The following MAML1 variants were observed in gnomAD, a reference collection of about 807,000 sequenced individuals.
MAML1 encodes mastermind like transcriptional coactivator 1.
A neutral mutation model predicts 77.1 loss-of-function variants in MAML1; 14 were observed. The ratio of observed to expected loss-of-function variants is 0.18; its 90% confidence interval spans 0.12 to 0.28. The LOEUF is 0.28. Ranked by LOEUF, MAML1 falls within the 10% of genes least tolerant of loss-of-function variation. The pLI, the probability that MAML1 is intolerant of heterozygous loss-of-function variation, is 1.00. For missense variants in MAML1, 1,217 were observed against 1,327.8 expected, an observed-to-expected ratio of 0.92 and a Z score of 1.30; for synonymous variants, 516 against 551.9, an observed-to-expected ratio of 0.93 and a Z score of 0.91.
intron 1 of MAML1, among the ~76,000 whole-genome samples, chr5:179,743,426 G>A (rs1276683112): frequency 1.4e-5 from 2 of 146,626 alleles, no homozygotes; most frequent in Non-Finnish European, 3.0e-5. Context: ...GAGGGCAGTG[G>A]TGTGATCTCG....
chr5:179,763,976 A>G (rs186254879), intron 1 of MAML1, among the ~76,000 whole-genome samples: 238 of 152,314 alleles, frequency 1.6e-3, no homozygotes, highest in South Asian at 5.8e-3. Flanking sequence ...TGTGTTTGGA[A>G]GCTGAGCATA....
intron 1 of MAML1, among the ~76,000 whole-genome samples, chr5:179,740,735 C>T (rs1035839230): frequency 5.9e-5 from 9 of 152,192 alleles, no homozygotes; most frequent in Admixed American, 4.6e-4. Flanking sequence ...GGGTTTTGGA[C>T]AGTTCCTGAG....
At chr5:179,758,438 G>A (rs1413603439) in intron 1 of MAML1, among the ~76,000 whole-genome samples, 1 of 148,764 alleles carries the variant, frequency 6.7e-6, no homozygotes, top group Non-Finnish European at 1.5e-5. Flanking sequence ...TGTCCCCTAG[G>A]CTGGAGTGCA....
chr5:179,772,929 C>T (rs554101661), intron 4 of MAML1, among the ~76,000 whole-genome samples: 9 of 152,206 alleles, frequency 5.9e-5, no homozygotes, highest in Non-Finnish European at 1.2e-4. Context: ...CTTGCTCTTT[C>T]GCCTAGGCTG....
intron 1 of MAML1, among the ~76,000 whole-genome samples, chr5:179,744,924 CTG>C: frequency 6.7e-6 from 1 of 149,786 alleles, no homozygotes; most frequent in East Asian, 2.0e-4. Flanking sequence ...TTTCTTGAGA[CTG>C]AGCCTTGCTC....
intron 1 of MAML1, among the ~76,000 whole-genome samples, chr5:179,734,079 G>A (rs1332109570): frequency 2.0e-5 from 3 of 152,202 alleles, no homozygotes; most frequent in African/African-American, 4.8e-5. Context: ...CTCTGATGAT[G>A]TTAGATTGTT....
intron 1 of MAML1, among the ~76,000 whole-genome samples, chr5:179,747,500 A>G (rs1258378295): frequency 6.6e-6 from 1 of 152,214 alleles, no homozygotes; most frequent in East Asian, 1.9e-4. Context: ...ACAACAGAAT[A>G]TTATTCAGCC....
Position 179,732,982 on chromosome 5 carries a change from C to G in MAML1, c.-131C>G. On this transcript the variant is annotated 5_prime_UTR_variant, in exon 1 of 5. Transcript: ENST00000292599. The stretch of plus-strand genomic sequence containing the variant: ...AGGAAAACCCGCCGCCGCGCGCGAG[C>G]CCGCTCCGCTGCCCTCGGGGGCATG... 2.0e-6 allele frequency: 1 copy of G among 489,144 alleles called. No individual in the cohort carries two copies. The allele number at this position is 489,144 out of a possible 1,614,324, so 30.3% of individuals were successfully genotyped here.
chr5:179,755,507 C>G (rs2113360640), intron 1 of MAML1, among the ~76,000 whole-genome samples: 1 of 150,090 alleles, frequency 6.7e-6, no homozygotes, highest in Admixed American at 6.6e-5. Flanking sequence ...GTATTGTATA[C>G]AAAGTACTGT....
intron 1 of MAML1, among the ~76,000 whole-genome samples, chr5:179,742,259 C>T (rs1323280436): frequency 4.6e-5 from 7 of 151,150 alleles, no homozygotes; most frequent in South Asian, 2.1e-4. Flanking sequence ...GAGGCCAAGG[C>T]GGGTGGATCA....
Position 179,774,845 on chromosome 5 carries a change from A to T in MAML1, c.3019A>T (p.Ser1007Cys). The part of the protein sequence containing the change: ...LKNRTSEEWM[S>C]DLDDLLGSQ ...GAACAGGACTTCAGAGGAGTGGATG[A>T]GTGATTTGGACGACCTGTTAGGGTC... is the stretch of plus-strand genomic sequence containing the variant. The change falls in exon 5 of 5, where the codon AGT (serine) becomes TGT (cysteine). Residue 1007 changes from serine (S) to cysteine (C), a missense_variant. By Grantham distance (112) the Ser-to-Cys change is moderately radical. Coordinates refer to ENST00000292599, the MANE Select transcript of MAML1 (RefSeq NM_014757.5). 1 of 1,612,394 alleles carries T rather than the reference A, an allele frequency of 6.2e-7. No homozygotes were observed. The highest frequency in any genetic ancestry group is 1.7e-5 in the Admixed American group (1 of 59,928).
intron 1 of MAML1, among the ~76,000 whole-genome samples, chr5:179,737,807 A>C (rs1035952004): frequency 6.6e-6 from 1 of 151,980 alleles, no homozygotes; most frequent in Non-Finnish European, 1.5e-5. Flanking sequence ...TTAGGTTTTC[A>C]TTTCTTTTCC....
chr5:179,768,676 C>G (rs1779866197), intron 2 of MAML1, among the ~76,000 whole-genome samples, 174 bp from the exon 3 acceptor site: 1 of 152,194 alleles, frequency 6.6e-6, no homozygotes, highest in South Asian at 2.1e-4. Context: ...CGCCTGTATG[C>G]TCAGATGTCA....
chr5:179,758,698 TTC>T (rs1034473848), intron 1 of MAML1, among the ~76,000 whole-genome samples: 2 of 152,106 alleles, frequency 1.3e-5, no homozygotes, highest in Non-Finnish European at 1.5e-5. Context: ...CCATTTTTTT[TTC>T]TTTTTTAAAA....
intron 2 of MAML1, among the ~76,000 whole-genome samples, chr5:179,767,734 A>G (rs979190390): frequency 1.3e-5 from 2 of 152,206 alleles, no homozygotes; most frequent in African/African-American, 4.8e-5. Flanking sequence ...AGCACTTTGC[A>G]ACTTACGAAG....
chr5:179,741,649 G>A (rs1048608761), intron 1 of MAML1, among the ~76,000 whole-genome samples: 20 of 142,574 alleles, frequency 1.4e-4, no homozygotes, highest in East Asian at 4.1e-4. Flanking sequence ...TTGTGACATC[G>A]TACTACAGCC....
chr5:179,753,665 T>TATTAA (rs1432861744), intron 1 of MAML1, among the ~76,000 whole-genome samples: 1 of 139,522 alleles, frequency 7.2e-6, no homozygotes, highest in African/African-American at 2.6e-5. Flanking sequence ...TTTTTTTTTT[T>TATTAA]TTTTTTTTTT....
chr5:179,772,489 A>G (rs1417666370), intron 4 of MAML1, among the ~76,000 whole-genome samples: 1 of 152,164 alleles, frequency 6.6e-6, no homozygotes. Context: ...ATCCCTGAAC[A>G]ATGACTCTCC....
chr5:179,744,051 T>G (rs1250459376), intron 1 of MAML1, among the ~76,000 whole-genome samples: 1 of 152,224 alleles, frequency 6.6e-6, no homozygotes, highest in Non-Finnish European at 1.5e-5. Flanking sequence ...TTAAATTCCT[T>G]TTTCTCCTGG....
Sources: gnomAD v4.1 joint callset for allele counts (sites outside exome capture counted in the v4.1 genomes callset) on GRCh38, gnomAD v4.1.1 for gene constraint, MANE v1.5 for transcripts, NCBI Gene and HGNC (gene_info 2026-07-23, HGNC 2026-07-21) for gene names.